Variants in MSH4 observed in about 807,000 individuals in gnomAD.
MSH4 encodes the protein mutS homolog 4.
MSH4 carries 106 observed loss-of-function variants against 113.7 expected under a neutral mutation model. The ratio of observed to expected loss-of-function variants is 0.93; its 90% CI spans 0.80 to 1.10. The LOEUF (loss-of-function observed/expected upper bound fraction) is 1.10. Among genes scored for constraint, MSH4 ranks in the 50% least tolerant of loss-of-function variants. The pLI is 0.00. For synonymous variants in MSH4, 368 were observed against 380.2 expected, an observed-to-expected ratio of 0.97 and a Z score of 0.37; for missense variants, 1,061 against 1,093.7, an observed-to-expected ratio of 0.97 and a Z score of 0.42.
At chr1:75,856,547 C>T (rs1265398615) in intron 8 of MSH4, among the ~76,000 whole-genome samples, 1 of 152,132 alleles carries the variant, frequency 6.6e-6, no homozygotes, top group African/African-American at 2.4e-5. Flanking sequence ...GTTTGGTTTT[C>T]TAATCTTGTG....
At chr1:75,884,834 T>C (rs1378918943) in intron 15 of MSH4, among the ~76,000 whole-genome samples, 1 of 151,734 alleles carries the variant, frequency 6.6e-6, no homozygotes, top group Non-Finnish European at 1.5e-5. Context: ...TTTATTGATT[T>C]TGTAGGTTTA....
chr1:75,865,509 G>T (rs1236978856), intron 8 of MSH4, among the ~76,000 whole-genome samples: 1 of 152,152 alleles, frequency 6.6e-6, no homozygotes, highest in Non-Finnish European at 1.5e-5. Context: ...GAAGTACTAG[G>T]GTTGGTCGAG....
At chr1:75,855,277 A>G (rs1015061635) in intron 8 of MSH4, among the ~76,000 whole-genome samples, 6 of 152,064 alleles carry the variant, frequency 3.9e-5, no homozygotes, top group Non-Finnish European at 7.4e-5. Flanking sequence ...GGCTCAAGCA[A>G]TCCTCCTATC....
At chr1:75,818,959 G>A (rs1227990353) in intron 6 of MSH4, among the ~76,000 whole-genome samples, 1 of 151,756 alleles carries the variant, frequency 6.6e-6, no homozygotes, top group Non-Finnish European at 1.5e-5. Flanking sequence ...GTAGGGACGG[G>A]GTCTCACTGT....
At chr1:75,902,673 G>GTA (rs34304425) in intron 19 of MSH4, among the ~76,000 whole-genome samples, 3 of 90,178 alleles carry the variant, frequency 3.3e-5, no homozygotes, top group Non-Finnish European at 4.7e-5. Flanking sequence ...ATATGTGTAT[G>GTA]TATATATATA....
intron 4 of MSH4, among the ~76,000 whole-genome samples, chr1:75,814,173 C>G (rs5745368): frequency 6.6e-6 from 1 of 151,440 alleles, no homozygotes; most frequent in Non-Finnish European, 1.5e-5. Context: ...CATTATCAAC[C>G]GGGTGCTGAT....
At chr1:75,815,316 C>T (rs184734963) in intron 5 of MSH4, among the ~76,000 whole-genome samples, 180 bp downstream of exon 5, 2 of 152,242 alleles carry the variant, frequency 1.3e-5, no homozygotes, top group Admixed American at 1.3e-4. Context: ...GTTCATAATA[C>T]ATAGTAATTA....
intron 17 of MSH4, among the ~76,000 whole-genome samples, chr1:75,893,933 T>C (rs1318172975): frequency 6.6e-6 from 1 of 152,168 alleles, no homozygotes; most frequent in Non-Finnish European, 1.5e-5. Context: ...CCACCATGAA[T>C]GAGTTGCCTT....
intron 14 of MSH4, among the ~76,000 whole-genome samples, chr1:75,882,701 TG>T (rs1457795292): frequency 1.5e-5 from 2 of 133,924 alleles, no homozygotes; most frequent in Non-Finnish European, 3.2e-5. Context: ...CGGTGAGAAG[TG>T]GTGGCAGGTG....
intron 7 of MSH4, among the ~76,000 whole-genome samples, chr1:75,837,430 A>G (rs12033059): frequency 0.28 from 36,482 of 132,568 alleles, 5,952 homozygotes; most frequent in East Asian, 0.69. Context: ...GCTGTCACCT[A>G]CCCTGGAGTG....
chr1:75,867,496 G>C lies in MSH4; in HGVS notation c.1231-18G>C. On this transcript the variant is annotated intron_variant, in intron 8 of 19. Transcript: ENST00000263187. ...ATATTTATGGTGTCCATCCAAATTT[G>C]GGTTTTTATCTTAACAGGTCAATGC... The C allele has an allele frequency of 1.4e-6, 2 of 1,439,572 alleles. No individual in the cohort carries two copies. The highest frequency in any genetic ancestry group is 1.9e-6 in the Non-Finnish European group (2 of 1,035,366). The allele number at this position is 1,439,572 out of a possible 1,614,324, so 89.2% of individuals were successfully genotyped here. A position where few individuals can be genotyped will look rare whatever the true frequency, so the allele number is the denominator to read the frequency against.
rs1652419872 is a variant in MSH4 at position 75,897,945 on chromosome 1, C to T, written c.2394C>T (p.Cys798=). ...TTGCTACACATTTCCTGGAACTATG[C>T]CATATTGATGCCCTGTATCCTAATG... is the stretch of plus-strand genomic sequence containing the variant. ...TLFATHFLEL[C]HIDALYPNVE... The change falls in exon 18 of 20, where the codon TGC becomes TGT. Residue 798 remains cysteine (C), a synonymous_variant. Transcript: ENST00000263187. The T allele has an allele frequency of 1.9e-6, 3 of 1,591,184 alleles. No individual in the cohort carries two copies. The highest frequency in any genetic ancestry group is 1.2e-5 in the South Asian group (1 of 85,650).
At chr1:75,867,420 G>A in intron 8 of MSH4, 94 bp from the exon 9 acceptor site, 1 of 717,292 alleles carries the variant, frequency 1.4e-6, no homozygotes, top group South Asian at 1.6e-5. Flanking sequence ...AAAATATATG[G>A]GATATGGAAA....
In MSH4 at chr1:75,822,510, C is replaced by G; in HGVS notation, c.1091C>G (p.Thr364Ser). Reference sequence around the variant, plus strand: ...TTAGAGCCTCTAGTTGATATTGAAACCATTAACATGAGATTAGATTGTGTT... The same window carrying G: ...TTAGAGCCTCTAGTTGATATTGAAAGCATTAACATGAGATTAGATTGTGTT... ...NILEPLVDIE[T>S]INMRLDCVQE... Residue 364 changes from threonine (T) to serine (S), a missense_variant, in exon 7 of 20, where the codon ACC becomes AGC. Physicochemically the swap from Thr to Ser is moderately conservative, Grantham distance 58. Transcript: ENST00000263187. The G allele has an allele frequency of 6.3e-7, 1 of 1,586,036 alleles. No individual in the cohort carries two copies. The highest frequency in any genetic ancestry group is 1.2e-5 in the South Asian group (1 of 85,794).
intron 8 of MSH4, among the ~76,000 whole-genome samples, chr1:75,860,453 G>T (rs1255781031): frequency 6.6e-6 from 1 of 152,134 alleles, no homozygotes; most frequent in Non-Finnish European, 1.5e-5. Context: ...TGTAAGGCAG[G>T]CCTGGTGGTG....
At position 75,890,677 on chromosome 1, in the gene MSH4, T is replaced by C; in HGVS notation, c.2227-19T>C. The stretch of plus-strand genomic sequence containing the variant: ...GCTGTTTGGTTACAATGAATAAATA[T>C]TAAAATTATATATTTCAGATAGCAT... On this transcript the variant is annotated intron_variant, in intron 16 of 19. Transcript: ENST00000263187. 7.4e-7 allele frequency: 1 copy of C among 1,342,802 alleles called. No homozygotes were observed. The highest frequency in any genetic ancestry group is 1.0e-6 in the Non-Finnish European group (1 of 982,394). 83.2% of individuals were successfully genotyped at this position (1,342,802 alleles called of 1,614,324 possible).
chr1:75,870,159 C>T (rs1570978600), intron 9 of MSH4, among the ~76,000 whole-genome samples: 1 of 152,194 alleles, frequency 6.6e-6, no homozygotes, highest in Non-Finnish European at 1.5e-5. Flanking sequence ...GGATTTTGGA[C>T]TTGCGTGGGG....
chr1:75,894,386 T>C (rs934732198), intron 17 of MSH4, among the ~76,000 whole-genome samples: 3 of 152,096 alleles, frequency 2.0e-5, no homozygotes, highest in African/African-American at 7.2e-5. Flanking sequence ...AAGTTCTAGG[T>C]TGAGGTTTTA....
chr1:75,885,055 G>GTATGTATGTA (rs1469516814), intron 15 of MSH4, among the ~76,000 whole-genome samples: 11 of 102,240 alleles, frequency 1.1e-4, no homozygotes, highest in African/African-American at 4.3e-4. Context: ...GTGTGTGTGT[G>GTATGTATGTA]TGTGTATATA....
Sources: allele counts gnomAD v4.1 joint callset (sites outside exome capture counted in the v4.1 genomes callset), GRCh38; gene constraint gnomAD v4.1.1; transcripts MANE v1.5; gene names NCBI Gene and HGNC (gene_info 2026-07-23, HGNC 2026-07-21).